The following PFDN2 variants were observed in gnomAD, a reference collection of about 807,000 sequenced individuals.
The protein encoded by PFDN2 is prefoldin subunit 2.
In PFDN2, 7 loss-of-function variants were observed where a neutral mutation model predicts 18.3. The observed-to-expected ratio is 0.38, with a 90% CI of 0.22 to 0.72. PFDN2 has a LOEUF of 0.72. Among genes scored for constraint, PFDN2 ranks in the 30% least tolerant of loss-of-function variants. PFDN2 has a pLI of 0.47. For missense variants in PFDN2, 181 were observed against 199.1 expected, an observed-to-expected ratio of 0.91 and a Z score of 0.55; for synonymous variants, 76 against 75.0, an observed-to-expected ratio of 1.01 and a Z score of -0.07.
intron 1 of PFDN2, among the ~76,000 whole-genome samples, chr1:161,117,720 G>C (rs1410861786): frequency 6.6e-6 from 1 of 152,196 alleles, no homozygotes; most frequent in Non-Finnish European, 1.5e-5. Flanking sequence ...CTACATGTCA[G>C]GGCTTTCCCC....
intron 1 of PFDN2, 120 bp from the exon 2 acceptor site, chr1:161,102,495 G>A (rs547136249): frequency 1.7e-5 from 12 of 690,992 alleles, no homozygotes; most frequent in Non-Finnish European, 3.0e-5. Flanking sequence ...TGGAAAAGGA[G>A]TAGAACCACA....
chr1:161,100,802 T>C lies in PFDN2; in HGVS notation c.346A>G (p.Asn116Asp), dbSNP rs763060182. 5 of 1,614,024 alleles carry C rather than the reference T, an allele frequency of 3.1e-6. No individual in the cohort carries two copies. In the South Asian group the frequency reaches 3.3e-5, roughly 11 times the overall value. ...QQLQAKGKEL[N>D]EFREKHNIRL... is the part of the protein sequence containing the mutation. Reference sequence around the variant, plus strand: ...ATGTTGTGCTTTTCCCGGAATTCATTTAGTTCTTTTCCCTTTGCCTGAAGC... The same window carrying C: ...ATGTTGTGCTTTTCCCGGAATTCATCTAGTTCTTTTCCCTTTGCCTGAAGC... The change falls in exon 4 of 4, where the codon AAT becomes GAT. Residue 116 changes from asparagine to aspartate, a missense_variant. Physicochemically the swap from Asn to Asp is conservative, Grantham distance 23 (BLOSUM62 1). Transcript: ENST00000368010.
chr1:161,102,095 G>C lies in PFDN2; in HGVS notation c.241C>G (p.Arg81Gly). The change falls in exon 3 of 4, where the codon CGA (arginine) becomes GGA (glycine). Residue 81 changes from arginine to glycine, a missense_variant. Arg to Gly is a moderately radical substitution (Grantham distance 125). Coordinates refer to ENST00000368010, the MANE Select transcript of PFDN2 (RefSeq NM_012394.4). Reference protein sequence around the residue: ...YRMVGGVLVERTVKEVLPALE... With the variant: ...YRMVGGVLVEGTVKEVLPALE... ...GCGGGCAGCACCTCTTTGACAGTTC[G>C]CTCCACCAGCACTCCTCCAACCATG... 1 of 1,614,118 alleles carries C rather than the reference G, an allele frequency of 6.2e-7. No individual in the cohort carries two copies. The highest frequency in any genetic ancestry group is 1.1e-5 in the South Asian group (1 of 91,088).
At chr1:161,108,209 T>C (rs1008475897) in intron 1 of PFDN2, among the ~76,000 whole-genome samples, 1 of 150,390 alleles carries the variant, frequency 6.6e-6, no homozygotes, top group Non-Finnish European at 1.5e-5. Flanking sequence ...TCCCACCACT[T>C]TGGGAGGCCA....
At chr1:161,114,167 T>C (rs1654861852) in intron 1 of PFDN2, among the ~76,000 whole-genome samples, 1 of 152,234 alleles carries the variant, frequency 6.6e-6, no homozygotes, top group Non-Finnish European at 1.5e-5. Context: ...TTTCTTACTG[T>C]ATCTCAAGAT....
intron 1 of PFDN2, among the ~76,000 whole-genome samples, chr1:161,112,057 T>A (rs1016312478): frequency 9.2e-5 from 14 of 152,200 alleles, no homozygotes; most frequent in Admixed American, 4.6e-4. Context: ...TGGCTTAACG[T>A]CAGACCATGA....
At chr1:161,110,843 C>CTTTTT (rs200704754) in intron 1 of PFDN2, among the ~76,000 whole-genome samples, 1 of 118,262 alleles carries the variant, frequency 8.5e-6, no homozygotes, top group Non-Finnish European at 1.7e-5. Flanking sequence ...TTTGTAGAGA[C>CTTTTT]TTTTTTTTTT....
At position 161,116,508 on chromosome 1, in the gene PFDN2, T is replaced by C. The variant is rs142399605; in HGVS notation, c.75+1444A>G. Among the ~76,000 whole-genome samples the C allele has an allele frequency of 3.0e-3, 460 of 152,152 alleles. 4 individuals carry two copies. The highest frequency in any genetic ancestry group is 0.015 in the South Asian group (73 of 4,818). On this transcript the variant is annotated intron_variant, in intron 1 of 3. Coordinates refer to ENST00000368010, the MANE Select transcript of PFDN2 (RefSeq NM_012394.4). ...CAGCCTCGGCAACAGAGACTCCGTCTCAACAACAAAAAAGTATTAAAAAGC... is the reference window on the plus strand; with the variant it reads ...CAGCCTCGGCAACAGAGACTCCGTCCCAACAACAAAAAAGTATTAAAAAGC...
intron 1 of PFDN2, 97 bp from the exon 2 acceptor site, chr1:161,102,472 T>G: frequency 1.2e-6 from 1 of 840,998 alleles, no homozygotes. Flanking sequence ...GGTGCAGTAG[T>G]GGGCACCTAC....
Position 161,100,697 on chromosome 1 carries a change from C to A in PFDN2, c.451G>T (p.Val151Leu), listed in dbSNP as rs763146771. The change falls in exon 4 of 4, where the codon GTG (valine) becomes TTG (leucine). Residue 151 changes from valine to leucine, a missense_variant. Coordinates refer to ENST00000368010, the MANE Select transcript of PFDN2 (RefSeq NM_012394.4). ...GAGAKASSAG[V>L]LVS Reference sequence around the variant, plus strand: ...GGCCTTGGTCCCTAGGAGACCAACACTCCAGCTGAGCTGGCCTTAGCCCCA... The same window carrying A: ...GGCCTTGGTCCCTAGGAGACCAACAATCCAGCTGAGCTGGCCTTAGCCCCA... 1 of 1,613,132 alleles carries A rather than the reference C, an allele frequency of 6.2e-7. No individual in the cohort carries two copies. Among genetic ancestry groups the A allele is most frequent in the Non-Finnish European group, 8.5e-7 (1 of 1,179,530 alleles).
chr1:161,109,917 G>T (rs1571186954), intron 1 of PFDN2, among the ~76,000 whole-genome samples: 1 of 151,936 alleles, frequency 6.6e-6, no homozygotes, highest in Non-Finnish European at 1.5e-5. Context: ...GGGCGTGGTG[G>T]GGGGAGGGTG....
intron 1 of PFDN2, among the ~76,000 whole-genome samples, chr1:161,111,791 ACTT>A (rs1654814777): frequency 6.6e-6 from 1 of 152,084 alleles, no homozygotes; most frequent in Admixed American, 6.6e-5. Flanking sequence ...TATTCATAGC[ACTT>A]CTTCATTACC....
At chr1:161,101,572 A>T (rs1475460701) in intron 3 of PFDN2, among the ~76,000 whole-genome samples, 1 of 152,210 alleles carries the variant, frequency 6.6e-6, no homozygotes, top group African/African-American at 2.4e-5. Context: ...AGCTGCATTT[A>T]TAAATTAGTC....
At position 161,102,832 on chromosome 1, in the gene PFDN2, C is replaced by G. The variant is rs566871882; in HGVS notation, c.76-457G>C. ...AATTAGTTGGGTATGGTGGTGTGCGCCTGTAGTCCCAGCTACTTGGGAGGC... is the reference window on the plus strand; with the variant it reads ...AATTAGTTGGGTATGGTGGTGTGCGGCTGTAGTCCCAGCTACTTGGGAGGC... On this transcript the variant is annotated intron_variant, in intron 1 of 3. Coordinates refer to ENST00000368010, the MANE Select transcript of PFDN2 (RefSeq NM_012394.4). Among the ~76,000 whole-genome samples, 5 of 152,130 alleles carry G rather than the reference C, an allele frequency of 3.3e-5. 1 individual carries two copies. In the South Asian group the frequency reaches 1.0e-3, roughly 32 times the overall value.
At chr1:161,109,656 A>G (rs779000853) in intron 1 of PFDN2, among the ~76,000 whole-genome samples, 5 of 152,230 alleles carry the variant, frequency 3.3e-5, no homozygotes, top group Non-Finnish European at 7.3e-5. Flanking sequence ...CAATTTGTAA[A>G]TAAGGAGACC....
chr1:161,110,110 A>G (rs973027236), intron 1 of PFDN2, among the ~76,000 whole-genome samples: 3 of 149,546 alleles, frequency 2.0e-5, no homozygotes, highest in Non-Finnish European at 3.0e-5. Context: ...CTGTAATCCT[A>G]TTACCTTGGC....
intron 1 of PFDN2, among the ~76,000 whole-genome samples, chr1:161,114,827 T>C (rs947877688): frequency 6.6e-6 from 1 of 152,186 alleles, no homozygotes; most frequent in Non-Finnish European, 1.5e-5. Flanking sequence ...ATCCAGCCCC[T>C]ACCCCCACAA....
chr1:161,111,129 T>G (rs757273081), intron 1 of PFDN2, among the ~76,000 whole-genome samples: 2 of 151,934 alleles, frequency 1.3e-5, no homozygotes, highest in African/African-American at 4.8e-5. Flanking sequence ...TGTTAGCCAC[T>G]GCGCCCAGCC....
chr1:161,109,969 G>A (rs1178462759), intron 1 of PFDN2, among the ~76,000 whole-genome samples: 1 of 152,010 alleles, frequency 6.6e-6, no homozygotes, highest in Non-Finnish European at 1.5e-5. Flanking sequence ...CAGGAGAATC[G>A]CTTGAACCTG....
Sources: gnomAD v4.1 joint callset for allele counts (sites outside exome capture counted in the v4.1 genomes callset) on GRCh38, gnomAD v4.1.1 for gene constraint, MANE v1.5 for transcripts, NCBI Gene and HGNC (gene_info 2026-07-23, HGNC 2026-07-21) for gene names.